Variants in TSC22D1 observed in about 807,000 individuals in gnomAD.
TSC22D1 encodes TSC22 domain family protein 1.
In TSC22D1, 9 loss-of-function variants were observed where a neutral mutation model predicts 74.2. That is an observed-to-expected ratio of 0.12 (90% CI 0.07 to 0.21). The LOEUF is 0.21. Ranked by LOEUF, TSC22D1 falls within the 10% of genes least tolerant of loss-of-function variation. The pLI, the probability that TSC22D1 is intolerant of heterozygous loss-of-function variation, is 1.00. For missense variants in TSC22D1, 1,427 were observed against 1,304.7 expected (o/e 1.09, Z -1.44); for synonymous variants, 586 against 492.5 (o/e 1.19, Z -2.51).
intron 1 of TSC22D1, among the ~76,000 whole-genome samples, chr13:44,534,762 C>T (rs1180781992): frequency 2.6e-5 from 4 of 152,132 alleles, no homozygotes; most frequent in Non-Finnish European, 5.9e-5. Flanking sequence ...AATAAAAGTT[C>T]TAAGTCAAGC....
At chr13:44,508,950 C>A (rs370754205) in intron 1 of TSC22D1, among the ~76,000 whole-genome samples, 1 of 151,982 alleles carries the variant, frequency 6.6e-6, no homozygotes, top group African/African-American at 2.4e-5. Flanking sequence ...CACATGAGGC[C>A]CCATGTGATA....
chr13:44,442,914 CA>C (rs386378995), intron 1 of TSC22D1, among the ~76,000 whole-genome samples: 15 of 87,028 alleles, frequency 1.7e-4, no homozygotes, highest in Admixed American at 5.7e-4. Flanking sequence ...GAGACTCTGT[CA>C]AAAAAAAAAA....
At position 44,492,368 on chromosome 13, in the gene TSC22D1, A is replaced by C. The variant is rs957583929; in HGVS notation, c.2913-56273T>G. ...AAGTGAAAAAACAGAATGGCTGTAC[A>C]GTTTTTACTGAATGTGTATCGCTTT... On this transcript the variant is annotated intron_variant, in intron 1 of 2. Transcript: ENST00000458659. Among the ~76,000 whole-genome samples the C allele has an allele frequency of 7.2e-5, 11 of 152,332 alleles. No homozygotes were observed. In the South Asian group the frequency reaches 2.3e-3, roughly 32 times the overall value.
chr13:44,538,301 T>C (rs1881267732), intron 1 of TSC22D1: 11 of 985,158 alleles, frequency 1.1e-5, no homozygotes, highest in Non-Finnish European at 1.2e-5. Flanking sequence ...ATTTGACAAT[T>C]ATAATAAGCC....
chr13:44,475,666 G>A (rs768111008), intron 1 of TSC22D1, among the ~76,000 whole-genome samples: 2 of 151,540 alleles, frequency 1.3e-5, no homozygotes, highest in Non-Finnish European at 2.9e-5. Flanking sequence ...AAAAAAATAT[G>A]TAACCATAAT....
In TSC22D1 at chr13:44,524,818, G is replaced by A. The variant is rs1880473984; in HGVS notation, c.2912+48345C>T. Among the ~76,000 whole-genome samples the A allele has an allele frequency of 2.6e-5, 4 of 152,228 alleles. No homozygotes were observed. The South Asian group carries it at 8.3e-4, about 32-fold the overall frequency. On this transcript the variant is annotated intron_variant, in intron 1 of 2. Coordinates refer to ENST00000458659, the MANE Select transcript of TSC22D1 (RefSeq NM_183422.4). ...CCTCCCAAGTGCTGGGATTACAGGC[G>A]TGAGCCACCGTGCCCAGCTACTTCC...
At chr13:44,551,390 GTGT>G (rs1882251422) in intron 1 of TSC22D1, among the ~76,000 whole-genome samples, 2 of 23,214 alleles carry the variant, frequency 8.6e-5, no homozygotes, top group Admixed American at 3.4e-4. Context: ...AATCAGATGG[GTGT>G]GTGTGTGTGT....
At chr13:44,508,853 C>T (rs553713377) in intron 1 of TSC22D1, among the ~76,000 whole-genome samples, 1 of 152,166 alleles carries the variant, frequency 6.6e-6, no homozygotes, top group East Asian at 1.9e-4. Flanking sequence ...TGTCCTCAGC[C>T]AATACACACA....
At chr13:44,558,488 C>T (rs1400732574) in intron 1 of TSC22D1, among the ~76,000 whole-genome samples, 1 of 152,122 alleles carries the variant, frequency 6.6e-6, no homozygotes, top group Non-Finnish European at 1.5e-5. Context: ...GCCTGTAATC[C>T]CAGCACTTTG....
At chr13:44,536,772 A>T (rs1253081931) in intron 1 of TSC22D1, 4 of 984,914 alleles carry the variant, frequency 4.1e-6, no homozygotes. Context: ...AGGTACAAAA[A>T]TTGCATCTAA....
intron 1 of TSC22D1, among the ~76,000 whole-genome samples, chr13:44,572,187 G>A (rs1314145868): frequency 6.6e-6 from 1 of 151,992 alleles, no homozygotes; most frequent in Non-Finnish European, 1.5e-5. Context: ...GAAAATTTGT[G>A]AAAAGAACAT....
At chr13:44,566,247 G>A (rs140700806) in intron 1 of TSC22D1, among the ~76,000 whole-genome samples, 23 of 151,956 alleles carry the variant, frequency 1.5e-4, no homozygotes, top group African/African-American at 3.6e-4. Flanking sequence ...ACTAGATTTC[G>A]AATTGGAAAA....
intron 1 of TSC22D1, among the ~76,000 whole-genome samples, chr13:44,526,326 G>A (rs983778752): frequency 2.6e-5 from 4 of 151,788 alleles, no homozygotes; most frequent in African/African-American, 4.8e-5. Flanking sequence ...TAAGCAAAGA[G>A]ATGAAAATTC....
intron 1 of TSC22D1, among the ~76,000 whole-genome samples, chr13:44,511,388 G>C (rs1595127527): frequency 6.6e-6 from 1 of 152,104 alleles, no homozygotes; most frequent in Admixed American, 6.5e-5. Context: ...TAGTGGGAAA[G>C]GAAGAAGTTT....
chr13:44,576,980 A>T (rs1461774227), upstream of TSC22D1: 1 of 152,596 alleles, frequency 6.6e-6, no homozygotes, highest in East Asian at 1.9e-4. Context: ...GCCTCTCCGG[A>T]GGGCGGCGGG....
chr13:44,485,046 C>T (rs1014358169), intron 1 of TSC22D1, among the ~76,000 whole-genome samples: 2 of 152,046 alleles, frequency 1.3e-5, no homozygotes, highest in Admixed American at 6.5e-5. Flanking sequence ...ATGAGTAGTA[C>T]ATAAAGAGTC....
intron 1 of TSC22D1, chr13:44,537,822 G>T (rs893257283): frequency 2.0e-6 from 2 of 984,906 alleles, no homozygotes; most frequent in Admixed American, 1.2e-4. Flanking sequence ...CTAAGTGCAG[G>T]TTATGCTTTA....
In TSC22D1 at chr13:44,573,954, C is replaced by T. The variant is rs367637578; in HGVS notation, c.2121G>A (p.Gly707=). 3.7e-6 allele frequency: 6 copies of T among 1,613,998 alleles called. No homozygotes were observed. The African/African-American group carries it at 6.7e-5, about 18-fold the overall frequency. ...QPTAVPAQPA[G]ASVQPVGQAP... ...CCTGGCCAACAGGCTGGACAGATGCCCCTGCAGGTTGTGCTGGGACTGCTG... is the reference window on the plus strand; with the variant it reads ...CCTGGCCAACAGGCTGGACAGATGCTCCTGCAGGTTGTGCTGGGACTGCTG... The change falls in exon 1 of 3, where the codon GGG becomes GGA. Residue 707 remains glycine, a synonymous_variant. Coordinates refer to ENST00000458659, the MANE Select transcript of TSC22D1 (RefSeq NM_183422.4).
At chr13:44,486,806 C>A (rs1292051336) in intron 1 of TSC22D1, among the ~76,000 whole-genome samples, 1 of 152,094 alleles carries the variant, frequency 6.6e-6, no homozygotes, top group East Asian at 1.9e-4. Flanking sequence ...AGCATAAAAG[C>A]ACCCACACTG....
Sources: gnomAD v4.1 joint callset for allele counts (sites outside exome capture counted in the v4.1 genomes callset) on GRCh38, gnomAD v4.1.1 for gene constraint, MANE v1.5 for transcripts, NCBI Gene and HGNC (gene_info 2026-07-23, HGNC 2026-07-21) for gene names.